Variants in GABRG3 observed in about 807,000 individuals in gnomAD.
GABRG3 encodes gamma-aminobutyric acid receptor subunit gamma-3.
In GABRG3, 25 loss-of-function variants were observed where a neutral mutation model predicts 48.8. That is an observed-to-expected ratio of 0.51 (90% CI 0.37 to 0.72). The LOEUF is 0.72. Among genes scored for constraint, GABRG3 ranks in the 30% least tolerant of loss-of-function variants. The probability of loss-of-function intolerance (pLI) is 0.00; values close to 1 mark genes in which losing one functional copy is unlikely to be tolerated. For synonymous variants in GABRG3, 227 were observed against 217.6 expected (o/e 1.04, Z -0.38); for missense variants, 394 against 577.9 (o/e 0.68, Z 3.26).
intron 3 of GABRG3, among the ~76,000 whole-genome samples, chr15:27,233,732 A>G (rs1160663456): frequency 1.3e-5 from 2 of 152,190 alleles, no homozygotes; most frequent in Admixed American, 6.5e-5. Flanking sequence ...AACCCACTAC[A>G]TGAACATTTT....
chr15:27,248,803 C>CACACAGAGAGAGAG (rs1377080195), intron 3 of GABRG3, among the ~76,000 whole-genome samples: 16 of 110,238 alleles, frequency 1.5e-4, no homozygotes, highest in African/African-American at 5.8e-4. Context: ...CACACACACA[C>CACACAGAGAGAGAG]AGAGAGAGAG....
intron 3 of GABRG3, among the ~76,000 whole-genome samples, chr15:27,111,360 A>G (rs749515791): frequency 6.6e-6 from 1 of 151,930 alleles, no homozygotes; most frequent in Non-Finnish European, 1.5e-5. Context: ...TATTCCCAAC[A>G]TTTCTGTCAT....
At position 27,534,179 on chromosome 15, in the gene GABRG3, A is replaced by G. The variant is rs934907941; in HGVS notation, c.*1298A>G. 6.6e-6 allele frequency: 1 copy of G among 152,022 alleles called. No homozygotes were observed. The highest frequency in any genetic ancestry group is 6.6e-5 in the Admixed American group (1 of 15,248). The allele number at this position is 152,022 out of a possible 1,614,324, so 9.4% of individuals were successfully genotyped here. A position where few individuals can be genotyped will look rare whatever the true frequency, so the allele number is the denominator to read the frequency against. The stretch of plus-strand genomic sequence containing the variant: ...GCCCGGCCAAAATTAAAAAAAAAAA[A>G]TTAGTGAATATTAATTTTCAACTCA... On this transcript the variant is annotated 3_prime_UTR_variant, in exon 10 of 10. Coordinates refer to ENST00000615808, the MANE Select transcript of GABRG3 (RefSeq NM_033223.5).
chr15:27,008,219 G>T (rs543119033), intron 2 of GABRG3, among the ~76,000 whole-genome samples: 1 of 152,292 alleles, frequency 6.6e-6, no homozygotes, highest in Non-Finnish European at 1.5e-5. Context: ...ATGTAAGTAT[G>T]TATTAACCTA....
chr15:27,327,815 T>A (rs1238863938), intron 4 of GABRG3, among the ~76,000 whole-genome samples: 1 of 152,120 alleles, frequency 6.6e-6, no homozygotes, highest in Non-Finnish European at 1.5e-5. Flanking sequence ...GGCTCCTTCT[T>A]GCACCTGCTT....
intron 3 of GABRG3, among the ~76,000 whole-genome samples, chr15:27,241,360 G>A (rs745526846): frequency 7.2e-5 from 11 of 152,154 alleles, no homozygotes; most frequent in Non-Finnish European, 8.8e-5. Flanking sequence ...AATTGACCAA[G>A]TTTAGACATT....
At chr15:27,418,605 C>T (rs921795769) in intron 5 of GABRG3, among the ~76,000 whole-genome samples, 1 of 152,220 alleles carries the variant, frequency 6.6e-6, no homozygotes, top group Admixed American at 6.5e-5. Flanking sequence ...AGGCTTTTGC[C>T]TGTGCAGCAG....
intron 3 of GABRG3, among the ~76,000 whole-genome samples, chr15:27,201,761 T>C (rs1445383208): frequency 1.3e-5 from 2 of 152,194 alleles, no homozygotes; most frequent in African/African-American, 4.8e-5. Flanking sequence ...AATGAACTTA[T>C]AATTCTAAAT....
At position 27,412,670 on chromosome 15, in the gene GABRG3, G is replaced by T. The variant is rs143578826; in HGVS notation, c.575-67980G>T. 1.3e-3 allele frequency among the ~76,000 whole-genome samples: 195 copies of T among 152,300 alleles called. 2 individuals carry two copies. The East Asian group carries it at 0.023, about 18-fold the overall frequency. On this transcript the variant is annotated intron_variant, in intron 5 of 9. Coordinates refer to ENST00000615808, the MANE Select transcript of GABRG3 (RefSeq NM_033223.5). ...GCTTGAACGTGGAAGAGGCAGCGTGGTCTTAGACCTTTGTGCTGAGCATTC... is the reference window on the plus strand; with the variant it reads ...GCTTGAACGTGGAAGAGGCAGCGTGTTCTTAGACCTTTGTGCTGAGCATTC...
chr15:27,019,809 G>A (rs1015509750), intron 2 of GABRG3, among the ~76,000 whole-genome samples: 1 of 152,148 alleles, frequency 6.6e-6, no homozygotes, highest in Non-Finnish European at 1.5e-5. Flanking sequence ...TGCGTTGGGG[G>A]CATGAGAGTT....
intron 5 of GABRG3, among the ~76,000 whole-genome samples, chr15:27,359,421 C>T (rs1481718886): frequency 6.6e-6 from 1 of 152,216 alleles, no homozygotes; most frequent in Admixed American, 6.5e-5. Context: ...CCACAATGGT[C>T]TGTGACTAAA....
chr15:27,460,015 T>C (rs1889401019), intron 5 of GABRG3, among the ~76,000 whole-genome samples: 1 of 152,180 alleles, frequency 6.6e-6, no homozygotes, highest in Non-Finnish European at 1.5e-5. Context: ...TTGAATGGAA[T>C]TGGACTGCCT....
At chr15:27,497,676 G>A (rs1426785067) in intron 6 of GABRG3, among the ~76,000 whole-genome samples, 1 of 152,046 alleles carries the variant, frequency 6.6e-6, no homozygotes, top group African/African-American at 2.4e-5. Flanking sequence ...CTTTGATTAG[G>A]GTAGAGTTTT....
At chr15:27,348,500 TA>T (rs1894453609) in intron 5 of GABRG3, among the ~76,000 whole-genome samples, 1 of 152,162 alleles carries the variant, frequency 6.6e-6, no homozygotes, top group South Asian at 2.1e-4. Flanking sequence ...TTTTTTCAGA[TA>T]GGGATACTGA....
At chr15:27,281,923 A>T (rs1276147781) in intron 3 of GABRG3, among the ~76,000 whole-genome samples, 1 of 152,080 alleles carries the variant, frequency 6.6e-6, no homozygotes, top group Non-Finnish European at 1.5e-5. Context: ...GCTGGCAAGA[A>T]ATTTTCTCAC....
intron 2 of GABRG3, among the ~76,000 whole-genome samples, chr15:26,992,660 A>G (rs984373080): frequency 6.6e-6 from 1 of 152,034 alleles, no homozygotes; most frequent in Admixed American, 6.6e-5. Context: ...TCCATCAGAG[A>G]TATTGGCCTG....
chr15:26,971,596 G>T lies in GABRG3; in HGVS notation c.53+8G>T. On this transcript the variant is annotated splice_region_variant and intron_variant, in intron 1 of 9. Transcript: ENST00000615808. ...CTCGGGCTTGCACGCGCGGTAAGTG[G>T]CGCGGGGGCCGCATCCCCGGAGGCC... is the stretch of plus-strand genomic sequence containing the variant. 4 of 1,527,262 alleles carry T rather than the reference G, an allele frequency of 2.6e-6. No homozygotes were observed. The highest frequency in any genetic ancestry group is 3.5e-6 in the Non-Finnish European group (4 of 1,138,224). The allele number at this position is 1,527,262 out of a possible 1,614,324, so 94.6% of individuals were successfully genotyped here. A position where few individuals can be genotyped will look rare whatever the true frequency, so the allele number is the denominator to read the frequency against.
At chr15:27,026,491 C>T (rs1895985644) in intron 2 of GABRG3, among the ~76,000 whole-genome samples, 1 of 152,160 alleles carries the variant, frequency 6.6e-6, no homozygotes, top group Admixed American at 6.5e-5. Flanking sequence ...CTATGACTGG[C>T]AAATTGCAGT....
rs529204926 is a variant in GABRG3 at position 26,993,812 on chromosome 15, G to A, written c.202+16662G>A. ...TGAAAGTGGGGCATTGAAGTCTCCA[G>A]CTATTATTGTGCTATTGTCTGTTTC... is the stretch of plus-strand genomic sequence containing the variant. On this transcript the variant is annotated intron_variant, in intron 2 of 9. Transcript: ENST00000615808. Among the ~76,000 whole-genome samples, 3 of 152,036 alleles carry A rather than the reference G, an allele frequency of 2.0e-5. No individual in the cohort carries two copies. In the East Asian group the frequency reaches 5.8e-4, roughly 29 times the overall value.
Sources: gnomAD v4.1 joint callset for allele counts (sites outside exome capture counted in the v4.1 genomes callset) on GRCh38, gnomAD v4.1.1 for gene constraint, MANE v1.5 for transcripts, NCBI Gene and HGNC (gene_info 2026-07-23, HGNC 2026-07-21) for gene names.